The following CLTC variants were observed in gnomAD, a reference collection of about 807,000 sequenced individuals.
CLTC encodes clathrin heavy chain, also known as clathrin heavy chain 1.
Under a neutral mutation model 195.8 loss-of-function variants are expected in CLTC, and 16 were observed. That is an observed-to-expected ratio of 0.08 (90% confidence interval 0.06 to 0.12). CLTC has a LOEUF of 0.12. Ranked by LOEUF, CLTC falls within the 10% of genes least tolerant of loss-of-function variation. The probability of loss-of-function intolerance (pLI) is 1.00; values close to 1 mark genes in which losing one functional copy is unlikely to be tolerated. For missense variants in CLTC, 796 were observed against 2,027.0 expected (o/e 0.39, Z 11.66); for synonymous variants, 667 against 689.4 (o/e 0.97, Z 0.51).
At position 59,685,556 on chromosome 17, in the gene CLTC, T is replaced by C. The variant is rs1314906475; in HGVS notation, c.4606-31T>C. ...TACTAGTTCAGTATGTGGGGTCTAA[T>C]GTTTTTGACTTTCACTATTTCTTTG... On this transcript the variant is annotated intron_variant, in intron 29 of 31. Transcript: ENST00000269122. The surrounding 1 kb of genome is among the most constrained non-coding windows in gnomAD (Gnocchi z 5.0). 1 of 1,558,958 alleles carries C rather than the reference T, an allele frequency of 6.4e-7. No individual in the cohort carries two copies. The highest frequency in any genetic ancestry group is 1.1e-5 in the South Asian group (1 of 89,542).
At chr17:59,693,609 T>G in intron 31 of CLTC, 119 bp from the exon 32 acceptor site, 2 of 1,207,248 alleles carry the variant, frequency 1.7e-6, no homozygotes, top group Admixed American at 5.2e-5. Flanking sequence ...CCCATACAAC[T>G]CATTTGAGGT....
intron 10 of CLTC, among the ~76,000 whole-genome samples, chr17:59,665,475 A>G (rs12601863): frequency 0.12 from 17,788 of 152,152 alleles, 1,686 homozygotes; most frequent in East Asian, 0.45. Context: ...GAGAGGGAAG[A>G]GATGCATTTG....
In CLTC at chr17:59,693,864, G is replaced by A; in HGVS notation, c.*12G>A. On this transcript the variant is annotated 3_prime_UTR_variant, in exon 32 of 32. Transcript: ENST00000269122. ...GGTACAGCATGTGAGATGAAGCGCT[G>A]ATCCTGTAGTCACCTATTTTCGTAC... 1 of 1,598,964 alleles carries A rather than the reference G, an allele frequency of 6.3e-7. No individual in the cohort carries two copies. Among genetic ancestry groups the A allele is most frequent in the Non-Finnish European group, 8.5e-7 (1 of 1,173,192 alleles).
chr17:59,668,636 G>T, intron 13 of CLTC, 141 bp from the exon 14 acceptor site: 1 of 607,454 alleles, frequency 1.6e-6, no homozygotes, highest in East Asian at 2.9e-5. Context: ...TAATGGAATA[G>T]TTAGTATTTT....
At chr17:59,678,997 C>T (rs2033025773) in intron 17 of CLTC, among the ~76,000 whole-genome samples, 3 of 152,188 alleles carry the variant, frequency 2.0e-5, no homozygotes, top group South Asian at 2.1e-4. Context: ...GAGCAAGACT[C>T]CTACTTTCTG....
Position 59,666,641 on chromosome 17 carries a change from T to C in CLTC, c.1944T>C (p.Pro648=). 6.2e-7 allele frequency: 1 copy of C among 1,608,946 alleles called. No homozygotes were observed. The highest frequency in any genetic ancestry group is 1.1e-5 in the South Asian group (1 of 90,800). ...TGGTTCACACCCATCTTCTTAACCCTGAGGTATTTCAGTTTCTTACCTAAT... is the reference window on the plus strand; with the variant it reads ...TGGTTCACACCCATCTTCTTAACCCCGAGGTATTTCAGTTTCTTACCTAAT... ...RAVVHTHLLN[P]EWLVNYFGSL... The change falls in exon 12 of 32, where the codon CCT becomes CCC. Residue 648 remains proline (P), a synonymous_variant. Coordinates refer to ENST00000269122, the MANE Select transcript of CLTC (RefSeq NM_004859.4). The surrounding 1 kb of genome is among the most constrained non-coding windows in gnomAD (Gnocchi z 4.9).
intron 8 of CLTC, among the ~76,000 whole-genome samples, chr17:59,663,539 CA>C (rs1474387229): frequency 3.3e-5 from 5 of 152,054 alleles, no homozygotes; most frequent in Non-Finnish European, 7.4e-5. Flanking sequence ...GCTAGAAGTA[CA>C]AGAGGTACAA....
intron 1 of CLTC, among the ~76,000 whole-genome samples, chr17:59,621,703 G>A (rs1204020891): frequency 6.6e-6 from 1 of 152,064 alleles, no homozygotes; most frequent in East Asian, 1.9e-4. Context: ...AATATACCTT[G>A]GCAATAAAAA....
chr17:59,650,703 T>C (rs2032308386), intron 4 of CLTC, among the ~76,000 whole-genome samples: 1 of 152,136 alleles, frequency 6.6e-6, no homozygotes, highest in South Asian at 2.1e-4. Context: ...GTCCCCTGTG[T>C]TCTTTACCCA....
intron 14 of CLTC, among the ~76,000 whole-genome samples, chr17:59,673,100 T>G (rs75169622): frequency 1.1e-4 from 1 of 8,794 alleles, no homozygotes; most frequent in African/African-American, 1.7e-4. Context: ...AAATGCTGGG[T>G]TTTTTTTTTT....
intron 30 of CLTC, chr17:59,686,914 C>A: frequency 1.2e-6 from 1 of 810,914 alleles, no homozygotes; most frequent in Non-Finnish European, 1.5e-6. Context: ...TGTTTCTTCC[C>A]TAAACCTTTG....
At chr17:59,665,987 T>G (rs2032722091) in intron 10 of CLTC, 116 bp from the exon 11 acceptor site, 1 of 693,052 alleles carries the variant, frequency 1.4e-6, no homozygotes, top group Admixed American at 2.9e-5. Context: ...AATTTGTTCT[T>G]AAGTGTTTAT....
intron 15 of CLTC, 108 bp from the exon 16 acceptor site, chr17:59,674,593 T>TA: frequency 1.9e-6 from 2 of 1,054,786 alleles, no homozygotes; most frequent in Non-Finnish European, 2.7e-6. Flanking sequence ...AAACTGAACT[T>TA]AAAGAAAAAA....
At chr17:59,691,709 CTTA>C (rs1043260148) in intron 31 of CLTC, among the ~76,000 whole-genome samples, 30 of 149,604 alleles carry the variant, frequency 2.0e-4, no homozygotes, top group African/African-American at 4.6e-4. Context: ...AATATATACA[CTTA>C]TTATGGTTTT....
Position 59,682,855 on chromosome 17 carries a change from T to C in CLTC, c.3766-52T>C. ...AACGCTATTTAAACATTAGTTTAAA[T>C]AACTAGCCATGTTTTACATTTGAGT... On this transcript the variant is annotated intron_variant, in intron 23 of 31. Transcript: ENST00000269122. The surrounding 1 kb of genome is among the most constrained non-coding windows in gnomAD (Gnocchi z 6.8). The C allele has an allele frequency of 6.2e-7, 1 of 1,611,600 alleles. No homozygotes were observed. The highest frequency in any genetic ancestry group is 2.2e-5 in the East Asian group (1 of 44,834).
chr17:59,656,863 G>C (rs974215915), intron 6 of CLTC, among the ~76,000 whole-genome samples: 1 of 151,454 alleles, frequency 6.6e-6, no homozygotes, highest in Non-Finnish European at 1.5e-5. Context: ...TAGTAGAGGC[G>C]GGCTTTCACC....
chr17:59,647,323 C>A, intron 2 of CLTC, 75 bp from the exon 3 acceptor site: 3 of 1,165,192 alleles, frequency 2.6e-6, no homozygotes, highest in Non-Finnish European at 3.7e-6. Context: ...TTGGAAGTGA[C>A]AGAGCTAGTC....
chr17:59,677,043 T>C lies in CLTC; in HGVS notation c.2651T>C (p.Ile884Thr), dbSNP rs768176540. 6.2e-7 allele frequency: 1 copy of C among 1,613,968 alleles called. No homozygotes were observed. Among genetic ancestry groups the C allele is most frequent in the Non-Finnish European group, 8.5e-7 (1 of 1,180,006 alleles). Reference sequence around the variant, plus strand: ...CACAATGCCTTAGCCAAAATCTACATAGACAGTAATAACAACCCGGAGAGA... The same window carrying C: ...CACAATGCCTTAGCCAAAATCTACACAGACAGTAATAACAACCCGGAGAGA... ...ATHNALAKIYIDSNNNPERFL... is the reference protein window; with the variant it reads ...ATHNALAKIYTDSNNNPERFL... The change falls in exon 17 of 32, where the codon ATA becomes ACA. Residue 884 changes from isoleucine (I) to threonine (T), a missense_variant. By Grantham distance (89) the Ile-to-Thr change is moderately conservative. Transcript: ENST00000269122.
At position 59,655,907 on chromosome 17, in the gene CLTC, C is replaced by T. The variant is rs187336326; in HGVS notation, c.849C>T (p.His283=). Residue 283 remains histidine (H), a synonymous_variant, in exon 6 of 32, where the codon CAC becomes CAT. Coordinates refer to ENST00000269122, the MANE Select transcript of CLTC (RefSeq NM_004859.4). ...TGATAACCAAGTATGGTTATATCCA[C>T]CTCTATGATCTTGAGACTGGTACCT... ...VFLITKYGYI[H]LYDLETGTCI... is the part of the protein sequence containing the mutation. 6.8e-6 allele frequency: 11 copies of T among 1,610,976 alleles called. No homozygotes were observed. The highest frequency in any genetic ancestry group is 1.7e-4 in the Middle Eastern group (1 of 6,054).
Sources: gnomAD v4.1 joint callset for allele counts (sites outside exome capture counted in the v4.1 genomes callset) on GRCh38, gnomAD v4.1.1 for gene constraint, Gnocchi (gnomAD v3.1) non-coding constraint, MANE v1.5 for transcripts, NCBI Gene and HGNC (gene_info 2026-07-23, HGNC 2026-07-21) for gene names.